ECPAS: variants seen among roughly 807,000 people sequenced by gnomAD.
ECPAS encodes the protein Ecm29 proteasome adaptor and scaffold.
ECPAS carries 70 observed loss-of-function variants against 255.1 expected under a neutral mutation model. The observed-to-expected ratio is 0.27, with a 90% CI of 0.23 to 0.33. The LOEUF is 0.33. ECPAS is among the 10% of genes least tolerant of loss of function. The pLI is 1.00. For missense variants in ECPAS, 1,817 were observed against 2,206.4 expected (o/e 0.82, Z 3.54); for synonymous variants, 784 against 775.0 (o/e 1.01, Z -0.19).
chr9:111,439,523 C>G (rs2418164), intron 6 of ECPAS, among the ~76,000 whole-genome samples: 50,601 of 151,982 alleles, frequency 0.33, 8,495 homozygotes, highest in African/African-American at 0.38. Context: ...TTCGGCCCCC[C>G]CTTCCCAAAG....
chr9:111,442,264 G>T, intron 5 of ECPAS, 42 bp downstream of exon 5: 3 of 1,294,024 alleles, frequency 2.3e-6, no homozygotes, highest in Non-Finnish European at 3.3e-6. Flanking sequence ...GGCAGTTGTT[G>T]ACTCCTGTAG....
chr9:111,421,727 G>A (rs2098214223), intron 15 of ECPAS, among the ~76,000 whole-genome samples, 194 bp downstream of exon 15: 1 of 151,976 alleles, frequency 6.6e-6, no homozygotes, highest in African/African-American at 2.4e-5. Flanking sequence ...CTAAACATAA[G>A]CATCGCTATG....
At chr9:111,451,317 A>T in intron 3 of ECPAS, 108 bp downstream of exon 3, 1 of 1,129,242 alleles carries the variant, frequency 8.9e-7, no homozygotes. Context: ...GAAAGGCCAT[A>T]ATTAAGATCA....
chr9:111,471,135 T>C (rs961896917), intron 2 of ECPAS, among the ~76,000 whole-genome samples: 5 of 152,222 alleles, frequency 3.3e-5, no homozygotes, highest in African/African-American at 1.2e-4. Flanking sequence ...AGAATGTTCT[T>C]TATTTAAATC....
intron 24 of ECPAS, among the ~76,000 whole-genome samples, chr9:111,404,726 T>A (rs1477310041): frequency 2.1e-5 from 3 of 145,450 alleles, no homozygotes; most frequent in African/African-American, 8.0e-5. Context: ...AGTTACCCAC[T>A]TATAGCAGTG....
Position 111,451,416 on chromosome 9 carries a change from C to T in ECPAS, c.153+9G>A. 5 of 1,565,004 alleles carry T rather than the reference C, an allele frequency of 3.2e-6. No homozygotes were observed. Among genetic ancestry groups the T allele is most frequent in the South Asian group, 1.2e-5 (1 of 84,128 alleles). On this transcript the variant is annotated intron_variant, in intron 3 of 49. Coordinates refer to ENST00000684092, the MANE Select transcript of ECPAS (RefSeq NM_001364929.1). ...CATTTAATTCCCCCAGCTGTCCCAA[C>T]ATGCTTACCTTTTTACGTACTCCTT...
At chr9:111,422,267 A>C in intron 13 of ECPAS, 67 bp from the exon 14 acceptor site, 1 of 1,508,536 alleles carries the variant, frequency 6.6e-7, no homozygotes, top group East Asian at 2.3e-5. Flanking sequence ...GGAAAAAATG[A>C]AACTAAACAC....
intron 25 of ECPAS, 143 bp from the exon 26 acceptor site, chr9:111,394,448 G>A: frequency 2.8e-6 from 2 of 713,010 alleles, no homozygotes; most frequent in South Asian, 4.1e-5. Flanking sequence ...AGTTGCTGAA[G>A]GAATCAATAA....
In ECPAS at chr9:111,433,323, A is replaced by C; in HGVS notation, c.758T>G (p.Leu253Arg). ...AATCACCAAGTGGAGAACAGCTTCA[A>C]GTTCAGGCACCTGTTCAGCTTCTAT... ...KFIEAEQVPE[L>R]EAVLHLVIAS... The change falls in exon 8 of 50, where the codon CTT (leucine) becomes CGT (arginine). Residue 253 changes from leucine (L) to arginine (R), a missense_variant. Leu to Arg is a moderately radical substitution (Grantham distance 102, BLOSUM62 -2). Transcript: ENST00000684092. 6.2e-7 allele frequency: 1 copy of C among 1,614,012 alleles called. No individual in the cohort carries two copies. The highest frequency in any genetic ancestry group is 8.5e-7 in the Non-Finnish European group (1 of 1,179,852).
At chr9:111,398,753 A>AT (rs1232252261) in intron 24 of ECPAS, among the ~76,000 whole-genome samples, 1 of 152,134 alleles carries the variant, frequency 6.6e-6, no homozygotes, top group African/African-American at 2.4e-5. Flanking sequence ...CCTGGCCAAT[A>AT]TGGTGAAACC....
chr9:111,438,396 T>A (rs1434440087), intron 6 of ECPAS, among the ~76,000 whole-genome samples: 1 of 151,928 alleles, frequency 6.6e-6, no homozygotes, highest in Admixed American at 6.6e-5. Context: ...GAAGCCAAGG[T>A]GGGAGGATCG....
At chr9:111,445,453 G>GT (rs1196220756) in intron 3 of ECPAS, among the ~76,000 whole-genome samples, 1 of 151,900 alleles carries the variant, frequency 6.6e-6, no homozygotes, top group Non-Finnish European at 1.5e-5. Flanking sequence ...GAAGACAAAA[G>GT]TATCTGCTAT....
At chr9:111,468,057 A>C (rs1238674614) in intron 2 of ECPAS, among the ~76,000 whole-genome samples, 3 of 152,094 alleles carry the variant, frequency 2.0e-5, no homozygotes, top group African/African-American at 7.2e-5. Flanking sequence ...GAAGGATGAG[A>C]CAGAACTGCT....
chr9:111,427,491 C>T (rs2098223499), intron 10 of ECPAS, among the ~76,000 whole-genome samples: 1 of 152,066 alleles, frequency 6.6e-6, no homozygotes, highest in South Asian at 2.1e-4. Context: ...TAAATGGAAG[C>T]CAATATAGCA....
intron 36 of ECPAS, among the ~76,000 whole-genome samples, chr9:111,377,742 G>A (rs544856785): frequency 1.3e-5 from 2 of 152,338 alleles, no homozygotes; most frequent in East Asian, 1.9e-4. Context: ...GACAGCAGGT[G>A]CTCCTCAGGG....
chr9:111,470,585 C>T (rs2098286253), intron 2 of ECPAS, among the ~76,000 whole-genome samples: 1 of 152,188 alleles, frequency 6.6e-6, no homozygotes, highest in African/African-American at 2.4e-5. Flanking sequence ...GCTGGGATTA[C>T]AGGCGTGAGC....
chr9:111,391,335 T>C (rs906828839), intron 29 of ECPAS, among the ~76,000 whole-genome samples: 1 of 152,144 alleles, frequency 6.6e-6, no homozygotes, highest in Non-Finnish European at 1.5e-5. Context: ...CCCAGCACTT[T>C]GGGAGGCCGA....
chr9:111,483,226 C>G (rs1009359244), intron 1 of ECPAS, among the ~76,000 whole-genome samples: 1 of 152,018 alleles, frequency 6.6e-6, no homozygotes, highest in African/African-American at 2.4e-5. Flanking sequence ...TGGGCTCCCC[C>G]GACCCCGGGC....
At chr9:111,468,408 G>C (rs1009828472) in intron 2 of ECPAS, among the ~76,000 whole-genome samples, 1 of 152,156 alleles carries the variant, frequency 6.6e-6, no homozygotes, top group African/African-American at 2.4e-5. Flanking sequence ...CATGGTTTAA[G>C]CGAGAAAGTA....
Sources: gnomAD v4.1 joint callset for allele counts (sites outside exome capture counted in the v4.1 genomes callset) on GRCh38, gnomAD v4.1.1 for gene constraint, MANE v1.5 for transcripts, NCBI Gene and HGNC (gene_info 2026-07-23, HGNC 2026-07-21) for gene names.